CRLF2: variants seen among roughly 807,000 people sequenced by gnomAD.
CRLF2 encodes the protein cytokine receptor like factor 2.
Under a neutral mutation model 38.7 loss-of-function variants are expected in CRLF2, and 41 were observed. That is an observed-to-expected ratio of 1.06 (90% CI 0.83 to 1.37). CRLF2 has a LOEUF of 1.37. Ranked by LOEUF, CRLF2 falls within the 40% of genes most tolerant of loss-of-function variation. The pLI is 0.00. For missense variants in CRLF2, 377 were observed against 322.2 expected (o/e 1.17, Z -1.30); for synonymous variants, 140 against 128.8 (o/e 1.09, Z -0.59).
rs183879017 is a variant in CRLF2 at position 1,201,244 on chromosome X, G to T, written c.483+1158C>A. ...ACATGCAGTCTGCTGATGACCAACA[G>T]GTCGTTAGGCAGCACATGACTGTGT... On this transcript the variant is annotated intron_variant, in intron 4 of 7. Transcript: ENST00000400841. Among the ~76,000 whole-genome samples the T allele has an allele frequency of 9.8e-3, 1,493 of 152,090 alleles. 26 individuals carry two copies. Among genetic ancestry groups the T allele is most frequent in the African/African-American group, 0.033 (1,385 of 41,452 alleles).
At chrX:1,210,231 G>A (rs2086773838) in intron 1 of CRLF2, among the ~76,000 whole-genome samples, 2 of 152,200 alleles carry the variant, frequency 1.3e-5, no homozygotes, top group South Asian at 4.1e-4. Flanking sequence ...CAAGAGGTCT[G>A]GGTTTGTAAT....
intron 3 of CRLF2, among the ~76,000 whole-genome samples, chrX:1,203,954 C>A (rs2086650396): frequency 6.6e-6 from 1 of 151,956 alleles, no homozygotes; most frequent in African/African-American, 2.4e-5. Context: ...TTACAGAATT[C>A]TAGGATAAAG....
chrX:1,203,509 T>G (rs184590857), intron 3 of CRLF2, among the ~76,000 whole-genome samples: 53 of 152,030 alleles, frequency 3.5e-4, no homozygotes, highest in African/African-American at 1.3e-3. Flanking sequence ...TGAAGGACCT[T>G]GAGGTGAGAT....
intron 4 of CRLF2, 184 bp from the exon 5 acceptor site, chrX:1,198,908 G>A (rs779726761): frequency 9.5e-5 from 61 of 642,976 alleles, no homozygotes; most frequent in Non-Finnish European, 4.1e-5. Flanking sequence ...CAACGCTTTG[G>A]GAGGCTGAGG....
chrX:1,197,170 G>A (rs778267051), intron 5 of CRLF2, among the ~76,000 whole-genome samples: 41 of 143,260 alleles, frequency 2.9e-4, no homozygotes, highest in African/African-American at 1.1e-3. Context: ...TCAGCTCACT[G>A]CAACCTCCGT....
intron 7 of CRLF2, among the ~76,000 whole-genome samples, chrX:1,192,191 C>G (rs1312233372): frequency 8.3e-6 from 1 of 119,870 alleles, no homozygotes; most frequent in Non-Finnish European, 1.7e-5. Context: ...GGCGACAGAG[C>G]GAGACTCCGT....
At chrX:1,195,119 G>A (rs1366000298) in intron 6 of CRLF2, among the ~76,000 whole-genome samples, 5 of 151,844 alleles carry the variant, frequency 3.3e-5, no homozygotes, top group Admixed American at 1.3e-4. Context: ...CTTGAACTCG[G>A]GAGGCAGAGG....
chrX:1,211,333 A>G (rs1197834296), intron 1 of CRLF2, among the ~76,000 whole-genome samples: 2 of 135,420 alleles, frequency 1.5e-5, no homozygotes, highest in African/African-American at 2.7e-5. Flanking sequence ...AGATGGATGT[A>G]TTGGTGGGTG....
At chrX:1,196,548 C>T (rs1415007626) in intron 6 of CRLF2, among the ~76,000 whole-genome samples, 5 of 151,642 alleles carry the variant, frequency 3.3e-5, no homozygotes, top group Admixed American at 6.6e-5. Context: ...GTCTCGAACT[C>T]GTGACCTCGT....
intron 7 of CRLF2, among the ~76,000 whole-genome samples, chrX:1,192,792 C>T (rs2086416511): frequency 7.5e-6 from 1 of 132,568 alleles, no homozygotes. Context: ...TCCCCCTTTC[C>T]TCCCTCCTTC....
At chrX:1,202,658 T>A in intron 3 of CRLF2, 123 bp from the exon 4 acceptor site, 1 of 1,144,110 alleles carries the variant, frequency 8.7e-7, no homozygotes, top group Non-Finnish European at 1.3e-6. Flanking sequence ...TGTCTCGGGG[T>A]TCACCCGTCC....
chrX:1,202,669 T>G, intron 3 of CRLF2, 134 bp from the exon 4 acceptor site: 4 of 1,019,702 alleles, frequency 3.9e-6, no homozygotes, highest in Non-Finnish European at 4.5e-6. Context: ...TCACCCGTCC[T>G]CATTACTTTT....
At chrX:1,197,565 C>G (rs1404207608) in intron 5 of CRLF2, among the ~76,000 whole-genome samples, 1 of 152,018 alleles carries the variant, frequency 6.6e-6, no homozygotes, top group Non-Finnish European at 1.5e-5. Flanking sequence ...CCTTTAATCC[C>G]AGCACTTTGG....
rs752946479 is a variant in CRLF2, at chrX:1,212,539, G to A, written c.79+17C>T. Reference sequence around the variant, plus strand: ...ACAAACCAAAATACAACAAGAAGAGGGTGTTTAAATAATTACCTGCTCCTC... The same window carrying A: ...ACAAACCAAAATACAACAAGAAGAGAGTGTTTAAATAATTACCTGCTCCTC... On this transcript the variant is annotated intron_variant, in intron 1 of 7. Transcript: ENST00000400841. 4 of 1,592,376 alleles carry A rather than the reference G, an allele frequency of 2.5e-6. No individual in the cohort carries two copies. The Admixed American group carries it at 6.7e-5, about 27-fold the overall frequency.
intron 4 of CRLF2, among the ~76,000 whole-genome samples, chrX:1,201,941 G>C (rs1487469668): frequency 1.3e-5 from 2 of 151,658 alleles, no homozygotes; most frequent in Non-Finnish European, 2.9e-5. Flanking sequence ...GAGATAGATA[G>C]AACAAAGAGA....
At chrX:1,196,711 T>C (rs1248293652) in intron 6 of CRLF2, 69 bp downstream of exon 6, 8 of 1,571,150 alleles carry the variant, frequency 5.1e-6, no homozygotes, top group Non-Finnish European at 6.9e-6. Flanking sequence ...GCGATTAATC[T>C]TTTTTCGTAC....
At chrX:1,193,082 G>C (rs1435786657) in intron 7 of CRLF2, 136 bp downstream of exon 7, 1 of 390,372 alleles carries the variant, frequency 2.6e-6, no homozygotes, top group African/African-American at 2.1e-5. Context: ...CAAAGTGCTG[G>C]GATGACAGGC....
chrX:1,204,144 C>T (rs2086654000), intron 3 of CRLF2, among the ~76,000 whole-genome samples: 2 of 18,434 alleles, frequency 1.1e-4, no homozygotes, highest in Non-Finnish European at 4.7e-4. Flanking sequence ...GTATTTCCAG[C>T]TCACTCTGTG....
At position 1,208,806 on chromosome X, in the gene CRLF2, C is replaced by G. The variant is rs1157830778; in HGVS notation, c.182G>C (p.Arg61Thr). 1.3e-6 allele frequency: 2 copies of G among 1,592,304 alleles called. No individual in the cohort carries two copies. The highest frequency in any genetic ancestry group is 8.6e-7 in the Non-Finnish European group (1 of 1,160,360). ...GGTTCGCTTTCTGGGGGCCACTTACCTGTAGTGGAAAGTCAGGTTGGTCCT... is the reference window on the plus strand; with the variant it reads ...GGTTCGCTTTCTGGGGGCCACTTACGTGTAGTGGAAAGTCAGGTTGGTCCT... Reference protein sequence around the residue: ...YSRTNLTFHYRFNGDEAYDQC... With the variant: ...YSRTNLTFHYTFNGDEAYDQC... Residue 61 changes from arginine to threonine, a missense_variant and splice_region_variant, in exon 2 of 8, where the codon AGA (arginine) becomes ACA (threonine). Transcript: ENST00000400841.
Sources: gnomAD v4.1 joint callset for allele counts (sites outside exome capture counted in the v4.1 genomes callset) on GRCh38, gnomAD v4.1.1 for gene constraint, MANE v1.5 for transcripts, NCBI Gene and HGNC (gene_info 2026-07-23, HGNC 2026-07-21) for gene names.